FLACC1: variants seen among roughly 807,000 people sequenced by gnomAD.
The protein encoded by FLACC1 is flagellum associated containing coiled-coil domains 1.
Under a neutral mutation model 62.8 loss-of-function variants are expected in FLACC1, and 66 were observed. The observed-to-expected ratio is 1.05, with a 90% CI of 0.86 to 1.29. The LOEUF (loss-of-function observed/expected upper bound fraction) is 1.29. Among genes scored for constraint, FLACC1 ranks in the 50% most tolerant of loss-of-function variants. The pLI is 0.00. For missense variants in FLACC1, 452 were observed against 489.1 expected (o/e 0.92, Z 0.71); for synonymous variants, 156 against 161.0 (o/e 0.97, Z 0.24).
Position 201,330,507 on chromosome 2 carries a change from T to G in FLACC1, c.638A>C (p.Glu213Ala). Residue 213 changes from glutamate (E) to alanine (A), a missense_variant, in exon 9 of 15, where the codon GAA (glutamate) becomes GCA (alanine). By Grantham distance (107) the Glu-to-Ala change is moderately radical. Around this residue, in one of 3 missense-constraint regions of FLACC1, gnomAD observed 301 missense variants for 318.4 expected, o/e 0.95. Coordinates refer to ENST00000392257, the MANE Select transcript of FLACC1 (RefSeq NM_001127391.3). The stretch of plus-strand genomic sequence containing the variant: ...AAACATATTCTTCAAATACTTGTAT[T>G]CTTTTCCCATCTCCTCTGGATAAAA... Reference protein sequence around the residue: ...AQEKLEEMGKEYKYLKNMFRT... With the variant: ...AQEKLEEMGKAYKYLKNMFRT... The G allele has an allele frequency of 6.2e-6, 10 of 1,613,888 alleles. No individual in the cohort carries two copies. Among genetic ancestry groups the G allele is most frequent in the Non-Finnish European group, 8.5e-6 (10 of 1,179,918 alleles).
At chr2:201,327,506 T>G (rs1404814067) in intron 9 of FLACC1, among the ~76,000 whole-genome samples, 5 of 151,920 alleles carry the variant, frequency 3.3e-5, no homozygotes, top group African/African-American at 1.2e-4. Flanking sequence ...GCAAATGACA[T>G]GAATAGATAT....
chr2:201,289,873 G>C, intron 12 of FLACC1, 88 bp from the exon 13 acceptor site: 2 of 1,602,296 alleles, frequency 1.2e-6, no homozygotes, highest in African/African-American at 1.3e-5. Context: ...TGATGAAAGG[G>C]AGCAACCTGA....
chr2:201,344,611 G>GT (rs1276071207), intron 5 of FLACC1, among the ~76,000 whole-genome samples: 3 of 152,222 alleles, frequency 2.0e-5, no homozygotes, highest in African/African-American at 7.2e-5. Context: ...AGAGGACGAA[G>GT]TTCAGAGGAT....
chr2:201,299,416 G>A, intron 11 of FLACC1, 116 bp from the exon 12 acceptor site: 2 of 747,392 alleles, frequency 2.7e-6, no homozygotes, highest in African/African-American at 1.8e-5. Flanking sequence ...CTTAGACACT[G>A]CTATAATGAA....
chr2:201,352,988 A>G (rs1415911153), intron 1 of FLACC1, among the ~76,000 whole-genome samples: 1 of 152,208 alleles, frequency 6.6e-6, no homozygotes, highest in African/African-American at 2.4e-5. Flanking sequence ...GAAGGAATGC[A>G]GCTCTGCCGA....
At chr2:201,293,827 C>A (rs10180658) in intron 12 of FLACC1, among the ~76,000 whole-genome samples, 14 of 150,786 alleles carry the variant, frequency 9.3e-5, no homozygotes, top group Non-Finnish European at 7.4e-5. Flanking sequence ...CAAAAAAAAA[C>A]GATAAAGGGG....
At chr2:201,298,841 A>G (rs186753963) in intron 12 of FLACC1, among the ~76,000 whole-genome samples, 2 of 152,348 alleles carry the variant, frequency 1.3e-5, no homozygotes, top group Non-Finnish European at 2.9e-5. Flanking sequence ...TGTGTGAGGT[A>G]CATTCAGAGC....
intron 11 of FLACC1, among the ~76,000 whole-genome samples, chr2:201,306,048 C>T (rs530939466): frequency 4.5e-4 from 67 of 150,364 alleles, no homozygotes; most frequent in African/African-American, 1.4e-3. Context: ...CACACTGGCA[C>T]GTTGTGCACA....
At chr2:201,354,844 T>G (rs2125628413) in intron 1 of FLACC1, among the ~76,000 whole-genome samples, 1 of 152,282 alleles carries the variant, frequency 6.6e-6, no homozygotes, top group Non-Finnish European at 1.5e-5. Context: ...AGGCCAGGAC[T>G]CCACTATGGA....
intron 9 of FLACC1, among the ~76,000 whole-genome samples, chr2:201,328,392 T>A (rs1031630548): frequency 9.2e-5 from 14 of 152,026 alleles, no homozygotes; most frequent in African/African-American, 3.4e-4. Context: ...ATGTGTTAGC[T>A]TTAGGGTCAA....
At chr2:201,305,034 A>G (rs1055439971) in intron 11 of FLACC1, among the ~76,000 whole-genome samples, 3 of 152,254 alleles carry the variant, frequency 2.0e-5, no homozygotes, top group African/African-American at 7.2e-5. Flanking sequence ...CAAGGACTTC[A>G]TGTCTAAAAC....
At chr2:201,358,291 G>GGCGGTGCAGTGGCAGTT (rs1359104718), upstream of FLACC1, among the ~76,000 whole-genome samples, 1 of 152,164 alleles carries the variant, frequency 6.6e-6, no homozygotes, top group East Asian at 1.9e-4. Context: ...CAGTGGCAGT[G>GGCGGTGCAGTGGCAGTT]GCAGTGCAGG....
chr2:201,345,229 G>A (rs528893160), intron 5 of FLACC1, among the ~76,000 whole-genome samples: 1 of 152,312 alleles, frequency 6.6e-6, no homozygotes, highest in East Asian at 1.9e-4. Flanking sequence ...AGAAAGCAGA[G>A]GCTGAATGCC....
Position 201,342,413 on chromosome 2 carries a change from G to T in FLACC1, c.481C>A (p.Leu161Ile), listed in dbSNP as rs779494579. The change falls in exon 7 of 15, where the codon CTC becomes ATC. Residue 161 changes from leucine (L) to isoleucine (I), a missense_variant. Transcript: ENST00000392257. ...TTCTGTTTCATCTCAGCACAGCGGA[G>T]ATCCATTTCACTGGAGAGCTGGAAA... The part of the protein sequence containing the change: ...AQKLLSSEMD[L>I]RCAEMKQNFE... 1.9e-6 allele frequency: 3 copies of T among 1,614,226 alleles called. No homozygotes were observed. The highest frequency in any genetic ancestry group is 2.5e-6 in the Non-Finnish European group (3 of 1,180,036).
chr2:201,360,026 C>G (rs1951171558), upstream of FLACC1, among the ~76,000 whole-genome samples: 1 of 151,942 alleles, frequency 6.6e-6, no homozygotes. Flanking sequence ...TGAAGGAATA[C>G]CCCAGCCACT....
intron 3 of FLACC1, among the ~76,000 whole-genome samples, chr2:201,350,504 C>T (rs1951003486): frequency 6.6e-6 from 1 of 152,038 alleles, no homozygotes; most frequent in Admixed American, 6.6e-5. Flanking sequence ...TGTGGTGAAA[C>T]CCCGTCTCTA....
intron 7 of FLACC1, among the ~76,000 whole-genome samples, chr2:201,336,798 T>C (rs1224415129): frequency 6.6e-6 from 1 of 152,212 alleles, no homozygotes; most frequent in East Asian, 1.9e-4. Flanking sequence ...CTCCACATCT[T>C]TGTCAATATA....
intron 3 of FLACC1, among the ~76,000 whole-genome samples, chr2:201,349,372 C>G (rs910250003): frequency 6.6e-6 from 1 of 152,202 alleles, no homozygotes; most frequent in Non-Finnish European, 1.5e-5. Flanking sequence ...TTGCCCTGAC[C>G]TCTCTACGTA....
At position 201,330,759 on chromosome 2, in the gene FLACC1, T is replaced by C; in HGVS notation, c.599A>G (p.Lys200Arg). 6.2e-7 allele frequency: 1 copy of C among 1,613,988 alleles called. No homozygotes were observed. The highest frequency in any genetic ancestry group is 8.5e-7 in the Non-Finnish European group (1 of 1,179,990). ...NNYKAALKAE[K>R]LAAQEKLEEM... ...ACCTAGCTTCTCTTGGGCAGCCAAC[T>C]TCTCTGCCTTCAAGGCTGCTTTGTA... The change falls in exon 8 of 15, where the codon AAG becomes AGG. Residue 200 changes from lysine (K) to arginine (R), a missense_variant. Physicochemically the swap from Lys to Arg is conservative, Grantham distance 26. Transcript: ENST00000392257.
Sources: gnomAD v4.1 joint callset for allele counts (sites outside exome capture counted in the v4.1 genomes callset) on GRCh38, gnomAD v4.1.1 for gene constraint, gnomAD v4.1.1 regional missense constraint, MANE v1.5 for transcripts, NCBI Gene and HGNC (gene_info 2026-07-23, HGNC 2026-07-21) for gene names.